MEIS2: variants seen among roughly 807,000 people sequenced by gnomAD.
The protein encoded by MEIS2 is homeobox protein Meis2.
A neutral mutation model predicts 58.6 loss-of-function variants in MEIS2; 9 were observed. That is an observed-to-expected ratio of 0.15 (90% CI 0.09 to 0.27). The LOEUF is 0.27. Among genes scored for constraint, MEIS2 ranks in the 10% least tolerant of loss-of-function variants. The pLI is 1.00. For synonymous variants in MEIS2, 221 were observed against 228.4 expected, an observed-to-expected ratio of 0.97 and a Z score of 0.29; for missense variants, 427 against 635.0, an observed-to-expected ratio of 0.67 and a Z score of 3.52.
intron 5 of MEIS2, 72 bp downstream of exon 5, chr15:37,094,455 T>C (rs1288006818): frequency 6.7e-7 from 1 of 1,494,036 alleles, no homozygotes; most frequent in African/African-American, 1.4e-5. Context: ...TAGAGGTTTG[T>C]TAAAAACATC....
At chr15:37,065,409 T>C (rs374859133) in intron 7 of MEIS2, among the ~76,000 whole-genome samples, 1 of 152,160 alleles carries the variant, frequency 6.6e-6, no homozygotes, top group African/African-American at 2.4e-5. Context: ...TTTTATTTTG[T>C]AGTGGGGCAA....
At chr15:36,954,701 G>A (rs1249916157) in intron 8 of MEIS2, among the ~76,000 whole-genome samples, 1 of 152,008 alleles carries the variant, frequency 6.6e-6, no homozygotes, top group Non-Finnish European at 1.5e-5. Flanking sequence ...CTGACCAGAT[G>A]AGTGCTGACT....
At chr15:36,982,775 G>C (rs2059969864) in intron 8 of MEIS2, among the ~76,000 whole-genome samples, 1 of 152,034 alleles carries the variant, frequency 6.6e-6, no homozygotes, top group Non-Finnish European at 1.5e-5. Flanking sequence ...CACCAACATT[G>C]TGTCAGGGCT....
chr15:37,099,171 A>T, intron 1 of MEIS2: 1 of 1,261,168 alleles, frequency 7.9e-7, no homozygotes, highest in Non-Finnish European at 1.0e-6. Context: ...ACGATTGCAC[A>T]CGCACACACA....
At chr15:37,069,078 G>C (rs1235620980) in intron 7 of MEIS2, among the ~76,000 whole-genome samples, 1 of 151,108 alleles carries the variant, frequency 6.6e-6, no homozygotes, top group Non-Finnish European at 1.5e-5. Context: ...TTTCTTTTTT[G>C]CCAGCTGAAA....
At chr15:36,896,265 G>C (rs369318995) in intron 10 of MEIS2, among the ~76,000 whole-genome samples, 5 of 152,206 alleles carry the variant, frequency 3.3e-5, no homozygotes, top group Non-Finnish European at 7.3e-5. Flanking sequence ...AGAAAGGAAA[G>C]CCTAGCATAC....
intron 8 of MEIS2, chr15:36,972,797 T>C (rs1229320754): frequency 1.3e-5 from 2 of 152,110 alleles, no homozygotes; most frequent in East Asian, 3.9e-4. Context: ...TTCATAGAGA[T>C]ACACTTTTTT....
chr15:36,917,834 C>G (rs1278968096), intron 9 of MEIS2, among the ~76,000 whole-genome samples: 1 of 152,224 alleles, frequency 6.6e-6, no homozygotes, highest in African/African-American at 2.4e-5. Flanking sequence ...AGTAGGAATT[C>G]TTTACACACA....
chr15:36,944,914 T>C (rs900847113), intron 9 of MEIS2, among the ~76,000 whole-genome samples: 3 of 152,020 alleles, frequency 2.0e-5, no homozygotes, highest in Admixed American at 2.0e-4. Context: ...TCCAGCTGTC[T>C]CTGTACCTCA....
intron 9 of MEIS2, among the ~76,000 whole-genome samples, chr15:36,919,475 G>A (rs1473129156): frequency 6.6e-6 from 1 of 151,862 alleles, no homozygotes; most frequent in East Asian, 1.9e-4. Flanking sequence ...CTACTCAGGA[G>A]GCTGAGGCAG....
In MEIS2 at chr15:36,976,260, A is replaced by G. The variant is rs796940991; in HGVS notation, c.901-25860T>C. On this transcript the variant is annotated intron_variant, in intron 8 of 11. Transcript: ENST00000561208. ...CCACCATGCCCAGCTAATTTTTTGT[A>G]TTTTTAGTAGAGACGGGGTTTCACC... Among the ~76,000 whole-genome samples, 8 of 151,678 alleles carry G rather than the reference A, an allele frequency of 5.3e-5. 2 individuals are homozygous for G. Among genetic ancestry groups the G allele is most frequent in the South Asian group, 2.1e-4 (1 of 4,802 alleles).
chr15:37,089,425 C>T (rs987859912), intron 6 of MEIS2, among the ~76,000 whole-genome samples: 3 of 152,056 alleles, frequency 2.0e-5, no homozygotes, highest in Non-Finnish European at 2.9e-5. Flanking sequence ...AGAGTCTCCT[C>T]TCTGACCTAA....
At position 36,922,706 on chromosome 15, in the gene MEIS2, C is replaced by T. The variant is rs1025701825; in HGVS notation, c.978-26020G>A. Among the ~76,000 whole-genome samples the T allele has an allele frequency of 4.0e-4, 61 of 151,132 alleles. 1 individual carries two copies. The highest frequency in any genetic ancestry group is 4.9e-5 in the African/African-American group (2 of 41,154). ...TGTGATTTCAGCACACTGCAACCTCCGCCTCCCGGGTTCAGGCGATTCTCC... is the reference window on the plus strand; with the variant it reads ...TGTGATTTCAGCACACTGCAACCTCTGCCTCCCGGGTTCAGGCGATTCTCC... On this transcript the variant is annotated intron_variant, in intron 9 of 11. Coordinates refer to ENST00000561208, the MANE Select transcript of MEIS2 (RefSeq NM_170675.5).
chr15:37,055,502 C>G (rs1420450569), intron 7 of MEIS2, among the ~76,000 whole-genome samples: 1 of 152,192 alleles, frequency 6.6e-6, no homozygotes, highest in African/African-American at 2.4e-5. Context: ...AACAACATTA[C>G]TCGACTTCGG....
chr15:37,041,842 A>G (rs1446958595), intron 7 of MEIS2, among the ~76,000 whole-genome samples: 1 of 152,248 alleles, frequency 6.6e-6, no homozygotes, highest in Admixed American at 6.5e-5. Context: ...CTTAAAAAAA[A>G]GAAAAGAAAA....
In MEIS2 at chr15:36,908,470, C is replaced by T. The variant is rs145022826; in HGVS notation, c.978-11784G>A. 1.6e-4 allele frequency among the ~76,000 whole-genome samples: 24 copies of T among 152,236 alleles called. 1 individual carries two copies. Among genetic ancestry groups the T allele is most frequent in the South Asian group, 8.3e-4 (4 of 4,822 alleles). ...TTTGATTCTGACATTACCCACAAAG[C>T]CGTCATCTACAACAGACAAAAAAGC... On this transcript the variant is annotated intron_variant, in intron 9 of 11. Coordinates refer to ENST00000561208, the MANE Select transcript of MEIS2 (RefSeq NM_170675.5).
chr15:36,950,255 A>C, intron 9 of MEIS2, 69 bp downstream of exon 9: 2 of 1,247,558 alleles, frequency 1.6e-6, no homozygotes, highest in Non-Finnish European at 2.3e-6. Context: ...AAAAAAAAAG[A>C]GAGAAAACCA....
At chr15:36,939,207 G>A (rs977257763) in intron 9 of MEIS2, among the ~76,000 whole-genome samples, 1 of 152,070 alleles carries the variant, frequency 6.6e-6, no homozygotes, top group Non-Finnish European at 1.5e-5. Context: ...TTTCATGCAT[G>A]TTTACTTCTC....
chr15:36,957,576 C>A (rs1285076712), intron 8 of MEIS2, among the ~76,000 whole-genome samples: 2 of 152,182 alleles, frequency 1.3e-5, no homozygotes, highest in Non-Finnish European at 2.9e-5. Context: ...CACAAACTTC[C>A]ACAGTGCTTT....
Sources: gnomAD v4.1 joint callset for allele counts (sites outside exome capture counted in the v4.1 genomes callset) on GRCh38, gnomAD v4.1.1 for gene constraint, MANE v1.5 for transcripts, NCBI Gene and HGNC (gene_info 2026-07-23, HGNC 2026-07-21) for gene names.